Variants in PLCB3 observed in about 807,000 individuals in gnomAD.
PLCB3 encodes 1-phosphatidylinositol 4,5-bisphosphate phosphodiesterase beta-3.
In PLCB3, 54 loss-of-function variants were observed where a neutral mutation model predicts 152.1. That is an observed-to-expected ratio of 0.36 (90% confidence interval 0.29 to 0.45). The LOEUF is 0.45. Among genes scored for constraint, PLCB3 ranks in the 20% least tolerant of loss-of-function variants. PLCB3 has a pLI of 1.00. For missense variants in PLCB3, 1,248 were observed against 1,687.5 expected, an observed-to-expected ratio of 0.74 and a Z score of 4.56; for synonymous variants, 717 against 698.7, an observed-to-expected ratio of 1.03 and a Z score of -0.41.
intron 25 of PLCB3, among the ~76,000 whole-genome samples, 189 bp downstream of exon 25, chr11:64,265,691 G>A (rs2032082231): frequency 6.6e-6 from 1 of 152,190 alleles, no homozygotes. Flanking sequence ...CTCTTTTGAA[G>A]TCCATGAGGA....
Position 64,265,058 on chromosome 11 carries a change from C to A in PLCB3, c.2760C>A (p.Pro920=). The A allele has an allele frequency of 6.5e-7, 1 of 1,542,460 alleles. No homozygotes were observed. The highest frequency in any genetic ancestry group is 8.8e-7 in the Non-Finnish European group (1 of 1,140,506). ...CACTGGATGCCTCCCCCCGCCGGCC[C>A]CCTGGCCCCACCACCTCCCCTGCCA... ...PSPLDASPRR[P]PGPTTSPAST... The change falls in exon 23 of 31, where the codon CCC becomes CCA. Residue 920 remains proline (P), a synonymous_variant. Transcript: ENST00000279230.
intron 19 of PLCB3, among the ~76,000 whole-genome samples, chr11:64,263,136 C>T (rs570043350): frequency 2.2e-4 from 33 of 152,340 alleles, no homozygotes; most frequent in Admixed American, 4.6e-4. Context: ...TCTTCAGCAC[C>T]CCGCACGGCC....
chr11:64,253,804 C>G (rs2031363273), intron 1 of PLCB3, among the ~76,000 whole-genome samples: 1 of 152,182 alleles, frequency 6.6e-6, no homozygotes, highest in Non-Finnish European at 1.5e-5. Flanking sequence ...GGGCAAGTCC[C>G]CTTCTAGGGG....
chr11:64,256,645 G>A lies in PLCB3; in HGVS notation c.893G>A (p.Arg298His), dbSNP rs764785826. The A allele has an allele frequency of 5.1e-5, 83 of 1,614,178 alleles. No homozygotes were observed. In the South Asian group the frequency reaches 6.9e-4, roughly 13 times the overall value. ...CAGATGTCCATGGAGGGCTTTAGCCGCTACCTGGGAGGCGAGGAGAATGGC... is the reference window on the plus strand; with the variant it reads ...CAGATGTCCATGGAGGGCTTTAGCCACTACCTGGGAGGCGAGGAGAATGGC... ...RDQMSMEGFS[R>H]YLGGEENGIL... Residue 298 changes from arginine to histidine, a missense_variant, in exon 10 of 31, where the codon CGC becomes CAC. Around this residue, in one of 6 missense-constraint regions of PLCB3, gnomAD observed 299 missense variants for 434.7 expected, o/e 0.69. Transcript: ENST00000279230.
At chr11:64,261,078 C>T (rs573313759) in intron 14 of PLCB3, among the ~76,000 whole-genome samples, 34 of 152,080 alleles carry the variant, frequency 2.2e-4, no homozygotes, top group African/African-American at 7.5e-4. Context: ...CTGAGGTGGG[C>T]GAGTCACCTG....
intron 14 of PLCB3, among the ~76,000 whole-genome samples, chr11:64,260,749 G>A (rs2031803919): frequency 7.9e-6 from 1 of 126,588 alleles, no homozygotes; most frequent in South Asian, 2.5e-4. Context: ...CTCCAACGTG[G>A]GCTAAAAAGG....
chr11:64,255,005 G>C lies in PLCB3; in HGVS notation c.354G>C (p.Leu118Phe). Residue 118 changes from leucine (L) to phenylalanine (F), a missense_variant, in exon 4 of 31, where the codon TTG (leucine) becomes TTC (phenylalanine). Physicochemically the swap from Leu to Phe is conservative, Grantham distance 22 (BLOSUM62 0). Around this residue, in one of 6 missense-constraint regions of PLCB3, gnomAD observed 299 missense variants for 434.7 expected, o/e 0.69. Coordinates refer to ENST00000279230, the MANE Select transcript of PLCB3 (RefSeq NM_000932.5). This position sits in a 1 kb window ranked among gnomAD's most constrained non-coding sequence, Gnocchi z 6.8. ...SGPDPVNTVF[L>F]NFMAVQDDTA... The stretch of plus-strand genomic sequence containing the variant: ...CAGACCCAGTGAACACAGTGTTCTT[G>C]AACTTCATGGCCGTGCAGGATGACA... 1 of 1,576,312 alleles carries C rather than the reference G, an allele frequency of 6.3e-7. No homozygotes were observed. Among genetic ancestry groups the C allele is most frequent in the African/African-American group, 1.3e-5 (1 of 74,230 alleles).
intron 14 of PLCB3, among the ~76,000 whole-genome samples, chr11:64,260,997 TAATGATA>T (rs1197334277): frequency 3.9e-5 from 6 of 152,030 alleles, no homozygotes; most frequent in African/African-American, 1.5e-4. Context: ...TCAGTAAAAG[TAATGATA>T]ATTATAACAC....
chr11:64,257,478 A>G (rs1383892335), intron 10 of PLCB3, among the ~76,000 whole-genome samples: 1 of 152,014 alleles, frequency 6.6e-6, no homozygotes, highest in Admixed American at 6.5e-5. Context: ...TTAGCTGGGC[A>G]TAGTGGCGCA....
chr11:64,254,442 C>T lies in PLCB3; in HGVS notation c.127C>T (p.Leu43=), dbSNP rs1344449750. Residue 43 remains leucine, a synonymous_variant, in exon 2 of 31, where the codon CTG becomes TTG. Coordinates refer to ENST00000279230, the MANE Select transcript of PLCB3 (RefSeq NM_000932.5). ...GACCTCCAGTCGGAACCTGGTGACC[C>T]TGCGTGTGGACCCCAATGGCTTCTT... ...EETSSRNLVT[L]RVDPNGFFLY... 1 of 1,614,004 alleles carries T rather than the reference C, an allele frequency of 6.2e-7. No individual in the cohort carries two copies. The highest frequency in any genetic ancestry group is 1.7e-5 in the Admixed American group (1 of 60,026).
chr11:64,258,461 T>G lies in PLCB3; in HGVS notation c.1013-12T>G, dbSNP rs2031656133. ...GGTGGGCGGCCTCGGTGACAGAGCC[T>G]CGCCGCCCCAGCGGGGCAGCTGGCT... On this transcript the variant is annotated splice_polypyrimidine_tract_variant and intron_variant, in intron 10 of 30. Coordinates refer to ENST00000279230, the MANE Select transcript of PLCB3 (RefSeq NM_000932.5). The surrounding 1 kb of genome is among the most constrained non-coding windows in gnomAD (Gnocchi z 7.2). 6.2e-7 allele frequency: 1 copy of G among 1,609,832 alleles called. No individual in the cohort carries two copies. The highest frequency in any genetic ancestry group is 8.5e-7 in the Non-Finnish European group (1 of 1,178,350).
rs747526796 is a variant in PLCB3 at position 64,264,034 on chromosome 11, C to A, written c.2574C>A (p.Ala858=). Reference sequence around the variant, plus strand: ...GCCTCCCCCCAGACTATGCGGAGGCCCTGATCAACCCCATTAAGCACGTCA... The same window carrying A: ...GCCTCCCCCCAGACTATGCGGAGGCACTGATCAACCCCATTAAGCACGTCA... ...IPDDHQDYAE[A]LINPIKHVSL... The change falls in exon 22 of 31, where the codon GCC becomes GCA. Residue 858 remains alanine, a synonymous_variant. Transcript: ENST00000279230. The A allele has an allele frequency of 1.1e-5, 18 of 1,573,544 alleles. No homozygotes were observed. Among genetic ancestry groups the A allele is most frequent in the Non-Finnish European group, 1.6e-5 (18 of 1,160,782 alleles).
chr11:64,254,421 T>G lies in PLCB3; in HGVS notation c.106T>G (p.Ser36Ala). The change falls in exon 2 of 31, where the codon TCC (serine) becomes GCC (alanine). Residue 36 changes from serine to alanine, a missense_variant. Physicochemically the swap from Ser to Ala is moderately conservative, Grantham distance 99. Around this residue, in one of 6 missense-constraint regions of PLCB3, gnomAD observed 299 missense variants for 434.7 expected, o/e 0.69. Coordinates refer to ENST00000279230, the MANE Select transcript of PLCB3 (RefSeq NM_000932.5). ...TGCCCTGTGCTGTCCTCAGGAGACCTCCAGTCGGAACCTGGTGACCCTGCG... is the reference window on the plus strand; with the variant it reads ...TGCCCTGTGCTGTCCTCAGGAGACCGCCAGTCGGAACCTGGTGACCCTGCG... ...SKFIKWDEET[S>A]SRNLVTLRVD... The G allele has an allele frequency of 1.2e-6, 2 of 1,613,738 alleles. No individual in the cohort carries two copies. The highest frequency in any genetic ancestry group is 1.7e-6 in the Non-Finnish European group (2 of 1,179,806).
Position 64,251,845 on chromosome 11 carries a change from T to TGGCGCCACCCTCATCCCAGTCTGGC in PLCB3, c.99+104_99+128dup, listed in dbSNP as rs1275165119. On this transcript the variant is annotated intron_variant, in intron 1 of 30. Coordinates refer to ENST00000279230, the MANE Select transcript of PLCB3 (RefSeq NM_000932.5). ...CCCCCACCCCAGCCTCGCCTGCCCG[T>TGGCGCCACCCTCATCCCAGTCTGGC]GGCGCCACCCTCATCCCAGTCTGGC... 33 of 645,000 alleles carry TGGCGCCACCCTCATCCCAGTCTGGC rather than the reference T, an allele frequency of 5.1e-5. No individual in the cohort carries two copies. In the Middle Eastern group the frequency reaches 1.7e-3, roughly 33 times the overall value. The allele number at this position is 645,000 out of a possible 1,614,324, so 40.0% of individuals were successfully genotyped here. A position where few individuals can be genotyped will look rare whatever the true frequency, so the allele number is the denominator to read the frequency against.
chr11:64,264,241 TGAG>T (rs2135063210), intron 22 of PLCB3, 129 bp downstream of exon 22: 1 of 573,608 alleles, frequency 1.7e-6, no homozygotes, highest in South Asian at 3.0e-5. Flanking sequence ...CCTGGGATTT[TGAG>T]GAGATGAAAA....
intron 25 of PLCB3, among the ~76,000 whole-genome samples, 156 bp downstream of exon 25, chr11:64,265,658 C>T (rs1272003071): frequency 6.6e-6 from 1 of 152,206 alleles, no homozygotes; most frequent in East Asian, 1.9e-4. Flanking sequence ...CCAGGCGTCC[C>T]TGTGTCCCCC....
chr11:64,253,327 A>G (rs182122778), intron 1 of PLCB3, among the ~76,000 whole-genome samples: 58 of 152,236 alleles, frequency 3.8e-4, no homozygotes, highest in Admixed American at 2.4e-3. Context: ...TGTCCCTGTA[A>G]CTCAGTGTCC....
In PLCB3 at chr11:64,266,517, C is replaced by T. The variant is rs1361432461; in HGVS notation, c.3379C>T (p.Arg1127Trp). 6.2e-7 allele frequency: 1 copy of T among 1,613,872 alleles called. No homozygotes were observed. Among genetic ancestry groups the T allele is most frequent in the Admixed American group, 1.7e-5 (1 of 60,004 alleles). The change falls in exon 29 of 31, where the codon CGG becomes TGG. Residue 1127 changes from arginine to tryptophan, a missense_variant. By Grantham distance (101) the Arg-to-Trp change is moderately radical. This residue lies in a region of PLCB3 where 477 missense variants were observed against 489.6 expected (regional missense o/e 0.97). Transcript: ENST00000279230. This position sits in a 1 kb window ranked among gnomAD's most constrained non-coding sequence, Gnocchi z 4.9. Reference protein sequence around the residue: ...KEAELTEINRRHITESVNSIR... With the variant: ...KEAELTEINRWHITESVNSIR... ...CAGGGAACTGACGGAGATTAACCGT[C>T]GGCACATCACTGAGTCAGTCAACTC...
Position 64,267,804 on chromosome 11 carries a change from C to G in PLCB3, c.*248C>G, listed in dbSNP as rs924397063. On this transcript the variant is annotated 3_prime_UTR_variant, in exon 31 of 31. Coordinates refer to ENST00000279230, the MANE Select transcript of PLCB3 (RefSeq NM_000932.5). This position sits in a 1 kb window ranked among gnomAD's most constrained non-coding sequence, Gnocchi z 5.2. ...GACACCCACACCCTCGAGCTAGCAG[C>G]GTCTCCTCCCTTCCCCGGGAGAGCT... 2.2e-6 allele frequency: 1 copy of G among 455,170 alleles called. No individual in the cohort carries two copies. The highest frequency in any genetic ancestry group is 4.1e-5 in the South Asian group (1 of 24,382). 28.2% of individuals were successfully genotyped at this position (455,170 alleles called of 1,614,324 possible). A position where few individuals can be genotyped will look rare whatever the true frequency, so the allele number is the denominator to read the frequency against.
Sources: gnomAD v4.1 joint callset for allele counts (sites outside exome capture counted in the v4.1 genomes callset) on GRCh38, gnomAD v4.1.1 for gene constraint, gnomAD v4.1.1 regional missense constraint, Gnocchi (gnomAD v3.1) non-coding constraint, MANE v1.5 for transcripts, NCBI Gene and HGNC (gene_info 2026-07-23, HGNC 2026-07-21) for gene names.